EBF1: variants seen among roughly 807,000 people sequenced by gnomAD.
EBF1 encodes the protein transcription factor COE1.
A neutral mutation model predicts 68.4 loss-of-function variants in EBF1; 10 were observed. That is an observed-to-expected ratio of 0.15 (90% CI 0.09 to 0.25). The LOEUF (loss-of-function observed/expected upper bound fraction) is 0.25. Among genes scored for constraint, EBF1 ranks in the 10% least tolerant of loss-of-function variants. The pLI is 1.00. For missense variants in EBF1, 509 were observed against 794.4 expected (o/e 0.64, Z 4.32); for synonymous variants, 298 against 299.8 (o/e 0.99, Z 0.06).
At chr5:158,758,738 A>T (rs930824886) in intron 10 of EBF1, among the ~76,000 whole-genome samples, 9 of 152,180 alleles carry the variant, frequency 5.9e-5, no homozygotes, top group African/African-American at 2.2e-4. Context: ...ATGACGTGAC[A>T]TCATTTACTG....
intron 8 of EBF1, among the ~76,000 whole-genome samples, chr5:158,821,275 T>C (rs1784772905): frequency 2.0e-5 from 3 of 152,104 alleles, no homozygotes; most frequent in Non-Finnish European, 1.5e-5. Context: ...GAATTTGGGG[T>C]TCCTGGTACC....
intron 7 of EBF1, among the ~76,000 whole-genome samples, chr5:158,835,800 T>G (rs1196985960): frequency 6.6e-6 from 1 of 152,198 alleles, no homozygotes; most frequent in Non-Finnish European, 1.5e-5. Context: ...TCTAAAATGT[T>G]TCCTCATTTT....
At chr5:158,969,842 GAGAAAGAAAGAAAGAAAGAA>G (rs1166776071) in intron 6 of EBF1, among the ~76,000 whole-genome samples, 80 of 67,580 alleles carry the variant, frequency 1.2e-3, no homozygotes, top group Admixed American at 7.5e-3. Context: ...AAGAAAGAAA[GAGAAAGAAAGAAAGAAAGAA>G]AGAAAGAAAG....
At chr5:159,030,185 T>A (rs899198007) in intron 6 of EBF1, among the ~76,000 whole-genome samples, 35 of 152,074 alleles carry the variant, frequency 2.3e-4, no homozygotes, top group African/African-American at 6.0e-4. Flanking sequence ...ATAATTTTTT[T>A]AAAATGTAGA....
intron 10 of EBF1, 144 bp downstream of exon 10, chr5:158,777,269 G>C: frequency 1.1e-6 from 1 of 951,998 alleles, no homozygotes; most frequent in Non-Finnish European, 1.4e-6. Flanking sequence ...ACCATGTTTG[G>C]TCATACATAT....
intron 8 of EBF1, among the ~76,000 whole-genome samples, chr5:158,804,982 G>A (rs7719873): frequency 0.078 from 11,908 of 152,110 alleles, 521 homozygotes; most frequent in South Asian, 0.11. Flanking sequence ...GTACATTCAC[G>A]TGCCTCTGAT....
At chr5:159,079,602 C>CTTTT (rs58461083) in intron 5 of EBF1, among the ~76,000 whole-genome samples, 7 of 113,648 alleles carry the variant, frequency 6.2e-5, no homozygotes, top group Non-Finnish European at 8.7e-5. Flanking sequence ...CTCCTTTTAT[C>CTTTT]TTTTTTTTTT....
chr5:158,909,136 CAGAA>C (rs1681618421), intron 6 of EBF1, among the ~76,000 whole-genome samples: 1 of 150,056 alleles, frequency 6.7e-6, no homozygotes, highest in Non-Finnish European at 1.5e-5. Flanking sequence ...AAAAAGAAAA[CAGAA>C]AGAAAAAGAA....
intron 6 of EBF1, among the ~76,000 whole-genome samples, chr5:158,994,141 T>G (rs1760933220): frequency 2.0e-5 from 3 of 152,126 alleles, no homozygotes; most frequent in Admixed American, 6.5e-5. Context: ...TGGGTGCGTC[T>G]CAGAAGGAGA....
chr5:158,850,070 TC>T (rs1467431967), intron 6 of EBF1, among the ~76,000 whole-genome samples: 1 of 152,224 alleles, frequency 6.6e-6, no homozygotes, highest in Non-Finnish European at 1.5e-5. Flanking sequence ...GTCCTTAACT[TC>T]CTACTTAATA....
chr5:158,774,134 G>A (rs1774516235), intron 10 of EBF1, among the ~76,000 whole-genome samples: 1 of 152,114 alleles, frequency 6.6e-6, no homozygotes. Flanking sequence ...CAGAGTCTGT[G>A]ACTCTGATTG....
At chr5:158,927,774 C>A (rs1369917048) in intron 6 of EBF1, among the ~76,000 whole-genome samples, 1 of 152,232 alleles carries the variant, frequency 6.6e-6, no homozygotes, top group Non-Finnish European at 1.5e-5. Context: ...CTATCACTTA[C>A]TATGTTCCAG....
chr5:158,784,751 A>C (rs536128203), intron 9 of EBF1, among the ~76,000 whole-genome samples: 1 of 152,306 alleles, frequency 6.6e-6, no homozygotes, highest in Non-Finnish European at 1.5e-5. Context: ...AAAAGGAAGG[A>C]AATGTTTCTT....
intron 6 of EBF1, among the ~76,000 whole-genome samples, chr5:159,051,103 G>A (rs1004648569): frequency 1.3e-5 from 2 of 152,106 alleles, no homozygotes; most frequent in Non-Finnish European, 2.9e-5. Flanking sequence ...AGGGATAGGA[G>A]AAGTCTCCTA....
At chr5:158,805,392 T>C (rs1040161035) in intron 8 of EBF1, among the ~76,000 whole-genome samples, 13 of 152,142 alleles carry the variant, frequency 8.5e-5, no homozygotes, top group African/African-American at 3.1e-4. Context: ...ATCGGCCTGA[T>C]AGGATTAAAC....
At chr5:158,785,659 T>C (rs1001384395) in intron 9 of EBF1, among the ~76,000 whole-genome samples, 2 of 152,200 alleles carry the variant, frequency 1.3e-5, no homozygotes, top group African/African-American at 4.8e-5. Context: ...TTTAAACCGA[T>C]GTTTACCAAA....
At chr5:158,998,338 C>T (rs958325209) in intron 6 of EBF1, among the ~76,000 whole-genome samples, 3 of 152,174 alleles carry the variant, frequency 2.0e-5, no homozygotes, top group Admixed American at 6.6e-5. Flanking sequence ...TCTAAAACTG[C>T]CCCTACTCCG....
intron 6 of EBF1, among the ~76,000 whole-genome samples, chr5:159,061,306 C>T (rs889437799): frequency 6.6e-6 from 1 of 152,050 alleles, no homozygotes; most frequent in South Asian, 2.1e-4. Context: ...CATTTTGAAA[C>T]AACCGGTTTC....
At chr5:158,861,275 T>A (rs1177035825) in intron 6 of EBF1, among the ~76,000 whole-genome samples, 1 of 152,210 alleles carries the variant, frequency 6.6e-6, no homozygotes, top group Non-Finnish European at 1.5e-5. Flanking sequence ...TGTGAAAATA[T>A]CATTCATTTA....
Sources: allele counts gnomAD v4.1 joint callset (sites outside exome capture counted in the v4.1 genomes callset), GRCh38; gene constraint gnomAD v4.1.1; transcripts MANE v1.5; gene names NCBI Gene and HGNC (gene_info 2026-07-23, HGNC 2026-07-21).